Variants in RBFOX1 observed in about 807,000 individuals in gnomAD.
The protein encoded by RBFOX1 is RNA binding fox-1 homolog 1.
A neutral mutation model predicts 57.7 loss-of-function variants in RBFOX1; 8 were observed. The observed-to-expected ratio is 0.14, with a 90% confidence interval of 0.08 to 0.25. The LOEUF is 0.25. RBFOX1 is among the 10% of genes least tolerant of loss of function. The pLI is 1.00. For missense variants in RBFOX1, 611 were observed against 548.5 expected (o/e 1.11, Z -1.14); for synonymous variants, 326 against 222.4 (o/e 1.47, Z -4.15).
intron 4 of RBFOX1, among the ~76,000 whole-genome samples, chr16:7,280,945 TTCCCTACCTACCTCCCTCCCTCCC>T (rs2095528702): frequency 3.1e-5 from 4 of 130,322 alleles, no homozygotes; most frequent in South Asian, 2.8e-4. Context: ...TTGCATGTGA[TTCCCTACCTACCTCCCTCCCTCCC>T]TCCCTCCCTC....
intron 4 of RBFOX1, among the ~76,000 whole-genome samples, chr16:5,886,785 G>A (rs2057910445): frequency 6.6e-6 from 1 of 152,220 alleles, no homozygotes; most frequent in Non-Finnish European, 1.5e-5. Context: ...CTACTTGGGA[G>A]GCTGAGGCAG....
At chr16:5,431,252 C>G (rs1186368196) in intron 1 of RBFOX1, among the ~76,000 whole-genome samples, 1 of 152,216 alleles carries the variant, frequency 6.6e-6, no homozygotes, top group African/African-American at 2.4e-5. Context: ...CTGAATGGCA[C>G]AAACTGCAGT....
chr16:5,403,253 G>A (rs566737505), intron 1 of RBFOX1, among the ~76,000 whole-genome samples: 1 of 151,710 alleles, frequency 6.6e-6, no homozygotes, highest in East Asian at 2.0e-4. Context: ...GGGAGGCTGA[G>A]GCAGGAGAAT....
At chr16:5,322,796 A>G (rs1382871477) in intron 1 of RBFOX1, among the ~76,000 whole-genome samples, 1 of 152,168 alleles carries the variant, frequency 6.6e-6, no homozygotes, top group Non-Finnish European at 1.5e-5. Flanking sequence ...TACCTACCTT[A>G]TTCTACTTAT....
chr16:6,395,222 A>T (rs1257492344), intron 2 of RBFOX1, among the ~76,000 whole-genome samples: 1 of 152,234 alleles, frequency 6.6e-6, no homozygotes, highest in Non-Finnish European at 1.5e-5. Flanking sequence ...TTTGTCAAAG[A>T]AAATAAAAAG....
intron 4 of RBFOX1, among the ~76,000 whole-genome samples, chr16:7,202,045 A>G (rs1248038606): frequency 3.3e-5 from 5 of 152,160 alleles, no homozygotes; most frequent in Non-Finnish European, 7.4e-5. Flanking sequence ...AGATCCTCCC[A>G]TGGTCTTTCT....
intron 4 of RBFOX1, among the ~76,000 whole-genome samples, chr16:5,923,433 C>T (rs2058871248): frequency 6.6e-6 from 1 of 150,994 alleles, no homozygotes; most frequent in African/African-American, 2.4e-5. Flanking sequence ...CCAGCAAGGA[C>T]AGGGGCACAT....
At chr16:5,409,872 A>C (rs190419431) in intron 1 of RBFOX1, among the ~76,000 whole-genome samples, 3 of 151,980 alleles carry the variant, frequency 2.0e-5, no homozygotes, top group Admixed American at 2.0e-4. Flanking sequence ...ACATGGTGAA[A>C]CCCCGTCTCT....
At chr16:6,268,454 T>C (rs1346540073) in intron 1 of RBFOX1, among the ~76,000 whole-genome samples, 1 of 152,160 alleles carries the variant, frequency 6.6e-6, no homozygotes, top group Non-Finnish European at 1.5e-5. Context: ...ACCTGTGAAA[T>C]GTGCTTAAAA....
chr16:6,702,942 C>G lies in RBFOX1; in HGVS notation c.-16+48292C>G, dbSNP rs2062084796. Among the ~76,000 whole-genome samples, 3 of 152,180 alleles carry G rather than the reference C, an allele frequency of 2.0e-5. No homozygotes were observed. In the South Asian group the frequency reaches 6.2e-4, roughly 32 times the overall value. On this transcript the variant is annotated intron_variant, in intron 3 of 15. Coordinates refer to ENST00000550418, the MANE Select transcript of RBFOX1 (RefSeq NM_018723.4). ...CTCCCCATTCTCATGTCCTCCCAGCCTCTGGCCACCAGCATTCTGCTTTCT... is the reference window on the plus strand; with the variant it reads ...CTCCCCATTCTCATGTCCTCCCAGCGTCTGGCCACCAGCATTCTGCTTTCT...
intron 3 of RBFOX1, among the ~76,000 whole-genome samples, chr16:7,018,788 A>C (rs974149702): frequency 7.2e-5 from 1 of 13,940 alleles, no homozygotes; most frequent in South Asian, 7.7e-3. Context: ...TTAAAGTATT[A>C]AAAAAAAAAA....
chr16:6,853,752 G>C (rs1403842778), intron 3 of RBFOX1, among the ~76,000 whole-genome samples: 1 of 152,154 alleles, frequency 6.6e-6, no homozygotes, highest in Admixed American at 6.5e-5. Flanking sequence ...GCGCCTCACT[G>C]TGCGTGGAGA....
chr16:5,906,921 G>T (rs1203757323), intron 4 of RBFOX1, among the ~76,000 whole-genome samples: 1 of 151,686 alleles, frequency 6.6e-6, no homozygotes, highest in African/African-American at 2.4e-5. Flanking sequence ...ATTATTAGTA[G>T]AGACAGGGTT....
intron 4 of RBFOX1, among the ~76,000 whole-genome samples, chr16:7,145,399 G>T (rs182260215): frequency 1.6e-4 from 25 of 152,180 alleles, no homozygotes; most frequent in Admixed American, 1.3e-3. Context: ...TACAGACGGG[G>T]TTTCACCATG....
chr16:5,997,185 A>C (rs2060505529), intron 4 of RBFOX1, among the ~76,000 whole-genome samples: 1 of 152,126 alleles, frequency 6.6e-6, no homozygotes, highest in Admixed American at 6.6e-5. Context: ...TCCATTGTCC[A>C]AACCTACCAG....
intron 4 of RBFOX1, among the ~76,000 whole-genome samples, chr16:7,077,638 C>T (rs1426599610): frequency 1.3e-5 from 2 of 152,128 alleles, no homozygotes; most frequent in East Asian, 3.9e-4. Flanking sequence ...TAATTTGTAC[C>T]GTATTAGTAG....
intron 2 of RBFOX1, among the ~76,000 whole-genome samples, chr16:6,593,011 G>A (rs976210344): frequency 6.6e-6 from 1 of 152,038 alleles, no homozygotes; most frequent in African/African-American, 2.4e-5. Context: ...CGGCCAACAT[G>A]GTAAAACCTG....
chr16:5,718,318 G>A (rs1001958766), intron 3 of RBFOX1, among the ~76,000 whole-genome samples: 32 of 152,354 alleles, frequency 2.1e-4, no homozygotes, highest in African/African-American at 7.5e-4. Flanking sequence ...GAGGTTTGAA[G>A]CAGAGCTGCC....
In RBFOX1 at chr16:7,652,075, C is replaced by A. The variant is rs553544191; in HGVS notation, c.758-1740C>A. Among the ~76,000 whole-genome samples the A allele has an allele frequency of 1.1e-3, 170 of 151,742 alleles. 2 individuals carry two copies. Among genetic ancestry groups the A allele is most frequent in the African/African-American group, 4.0e-3 (164 of 41,288 alleles). Reference sequence around the variant, plus strand: ...TTGGTTATCAGGGGACAGGGGTAACCGGGGTAACCATCAGGCATCCTCTGC... The same window carrying A: ...TTGGTTATCAGGGGACAGGGGTAACAGGGGTAACCATCAGGCATCCTCTGC... On this transcript the variant is annotated intron_variant, in intron 11 of 15. Coordinates refer to ENST00000550418, the MANE Select transcript of RBFOX1 (RefSeq NM_018723.4).
Sources: allele counts gnomAD v4.1 joint callset (sites outside exome capture counted in the v4.1 genomes callset), GRCh38; gene constraint gnomAD v4.1.1; transcripts MANE v1.5; gene names NCBI Gene and HGNC (gene_info 2026-07-23, HGNC 2026-07-21).